Variants in TASOR observed in about 807,000 individuals in gnomAD.
TASOR encodes the protein transcription activation suppressor.
In TASOR, 53 loss-of-function variants were observed where a neutral mutation model predicts 178.6. The ratio of observed to expected loss-of-function variants is 0.30; its 90% CI spans 0.24 to 0.37. The LOEUF (loss-of-function observed/expected upper bound fraction) is 0.37, where lower values mean the gene tolerates loss of function less well. Among genes scored for constraint, TASOR ranks in the 10% least tolerant of loss-of-function variants. TASOR has a pLI of 1.00. For synonymous variants in TASOR, 713 were observed against 696.2 expected (o/e 1.02, Z -0.38); for missense variants, 1,815 against 1,971.4 (o/e 0.92, Z 1.50).
intron 1 of TASOR, among the ~76,000 whole-genome samples, chr3:56,678,576 T>A (rs866391004): frequency 6.6e-6 from 1 of 152,176 alleles, no homozygotes; most frequent in Non-Finnish European, 1.5e-5. Flanking sequence ...CAAAAGAACA[T>A]CTTCATCAAT....
intron 7 of TASOR, among the ~76,000 whole-genome samples, chr3:56,665,119 G>A (rs535708584): frequency 6.6e-5 from 10 of 152,164 alleles, no homozygotes; most frequent in Non-Finnish European, 1.0e-4. Flanking sequence ...TGACTGCACC[G>A]CTTTACTCAC....
rs373963574 is a variant in TASOR, at chr3:56,621,651, G to A, written c.*1386C>T. 3.5e-6 allele frequency: 5 copies of A among 1,430,282 alleles called. No individual in the cohort carries two copies. Among genetic ancestry groups the A allele is most frequent in the Non-Finnish European group, 4.8e-6 (5 of 1,030,968 alleles). The allele number at this position is 1,430,282 out of a possible 1,614,324, so 88.6% of individuals were successfully genotyped here. Reference sequence around the variant, plus strand: ...AAATCAAATCCTTCACATTTGATTTGTGTCTTCCAAATTATAAAATGTGCT... The same window carrying A: ...AAATCAAATCCTTCACATTTGATTTATGTCTTCCAAATTATAAAATGTGCT... On this transcript the variant is annotated 3_prime_UTR_variant, in exon 24 of 24. Coordinates refer to ENST00000683822, the MANE Select transcript of TASOR (RefSeq NM_001365635.2).
chr3:56,680,812 C>T (rs990091517), intron 1 of TASOR, among the ~76,000 whole-genome samples: 5 of 152,072 alleles, frequency 3.3e-5, no homozygotes, highest in Admixed American at 2.6e-4. Context: ...ATATTTTCCT[C>T]CCAACTTTTG....
rs1452394544 is a variant in TASOR, at chr3:56,670,331, GT to G, written c.571-187del. Among the ~76,000 whole-genome samples, 192 of 152,032 alleles carry G rather than the reference GT, an allele frequency of 1.3e-3. 2 individuals carry two copies. Among genetic ancestry groups the G allele is most frequent in the South Asian group, 6.0e-3 (29 of 4,810 alleles). ...GTAAAACTGACTTACACTTCTCAAAGTAACCATATCTAGAATCCATTTTTCT... is the reference window on the plus strand; with the variant it reads ...GTAAAACTGACTTACACTTCTCAAAGAACCATATCTAGAATCCATTTTTCT... On this transcript the variant is annotated intron_variant, in intron 3 of 23. Coordinates refer to ENST00000683822, the MANE Select transcript of TASOR (RefSeq NM_001365635.2).
At chr3:56,628,896 A>T in intron 18 of TASOR, 1 of 202,598 alleles carries the variant, frequency 4.9e-6, no homozygotes, top group Non-Finnish European at 9.8e-6. Context: ...GAATACATGG[A>T]TGGCACTAGG....
Position 56,623,322 on chromosome 3 carries a change from T to C in TASOR, c.4728A>G (p.Ile1576Met), listed in dbSNP as rs574841361. The change falls in exon 24 of 24, where the codon ATA becomes ATG. Residue 1576 changes from isoleucine (I) to methionine (M), a missense_variant. By Grantham distance (10) the Ile-to-Met change is conservative. This residue lies in a region of TASOR where 278 missense variants were observed against 257.1 expected (regional missense o/e 1.08). Transcript: ENST00000683822. ...TGCTGTTCTCTCCTTCAGAGCATAC[T>C]ATATCAATAGAAGTTCTCTCTTCAG... Reference protein sequence around the residue: ...LDSEERTSIDIVCSEGENSNS... With the variant: ...LDSEERTSIDMVCSEGENSNS... The C allele has an allele frequency of 1.2e-5, 19 of 1,613,616 alleles. No homozygotes were observed. Among genetic ancestry groups the C allele is most frequent in the East Asian group, 2.2e-5 (1 of 44,848 alleles).
intron 17 of TASOR, among the ~76,000 whole-genome samples, chr3:56,634,375 C>T (rs534781490): frequency 6.6e-6 from 1 of 152,174 alleles, no homozygotes; most frequent in South Asian, 2.1e-4. Flanking sequence ...GGTAATGGCC[C>T]CTTAGTAAGA....
intron 2 of TASOR, among the ~76,000 whole-genome samples, chr3:56,672,030 TAATA>T: frequency 6.6e-6 from 1 of 152,182 alleles, no homozygotes; most frequent in Non-Finnish European, 1.5e-5. Flanking sequence ...ACAGGTGGTT[TAATA>T]AATCTGCTGA....
intron 17 of TASOR, among the ~76,000 whole-genome samples, chr3:56,635,300 G>A (rs967319362): frequency 1.3e-5 from 2 of 152,162 alleles, no homozygotes; most frequent in Admixed American, 1.3e-4. Flanking sequence ...AATATCCAAC[G>A]TGCCAGGATA....
intron 1 of TASOR, among the ~76,000 whole-genome samples, chr3:56,678,175 T>G (rs931073185): frequency 1.5e-5 from 2 of 130,508 alleles, no homozygotes; most frequent in Non-Finnish European, 3.1e-5. Flanking sequence ...AACACACTTA[T>G]GATTTTTTTT....
At chr3:56,629,986 G>A (rs927158089) in intron 18 of TASOR, among the ~76,000 whole-genome samples, 2 of 140,500 alleles carry the variant, frequency 1.4e-5, no homozygotes, top group Non-Finnish European at 3.0e-5. Flanking sequence ...TTTTTTTTGA[G>A]ATGGAGTCTC....
intron 18 of TASOR, among the ~76,000 whole-genome samples, chr3:56,629,498 G>C (rs1249810880): frequency 6.6e-6 from 1 of 152,098 alleles, no homozygotes; most frequent in Non-Finnish European, 1.5e-5. Context: ...TTTATATAGA[G>C]CTTCATTATG....
At position 56,643,990 on chromosome 3, in the gene TASOR, T is replaced by G. The variant is rs946456611; in HGVS notation, c.2216-2238A>C. On this transcript the variant is annotated intron_variant, in intron 14 of 23. Coordinates refer to ENST00000683822, the MANE Select transcript of TASOR (RefSeq NM_001365635.2). Reference sequence around the variant, plus strand: ...ATTTTAATTATTGATGAAGCCTGATTTTTACCCACAACTATTTTTTCACAT... The same window carrying G: ...ATTTTAATTATTGATGAAGCCTGATGTTTACCCACAACTATTTTTTCACAT... Among the ~76,000 whole-genome samples, 4 of 152,196 alleles carry G rather than the reference T, an allele frequency of 2.6e-5. No individual in the cohort carries two copies. The South Asian group carries it at 8.3e-4, about 32-fold the overall frequency.
intron 11 of TASOR, among the ~76,000 whole-genome samples, chr3:56,655,541 A>C (rs933152790): frequency 4.6e-5 from 7 of 152,036 alleles, no homozygotes; most frequent in Non-Finnish European, 8.8e-5. Context: ...TGGAGGCATG[A>C]GGGTTGCTTA....
In TASOR at chr3:56,639,713, T is replaced by A. The variant is rs560141995; in HGVS notation, c.2764+273A>T. ...ACTCAGTTTCTGCCAACAGTCTTCATTCAGCAGTCTGCATGCTAAACTCCA... is the reference window on the plus strand; with the variant it reads ...ACTCAGTTTCTGCCAACAGTCTTCAATCAGCAGTCTGCATGCTAAACTCCA... On this transcript the variant is annotated intron_variant, in intron 16 of 23. Coordinates refer to ENST00000683822, the MANE Select transcript of TASOR (RefSeq NM_001365635.2). 3.9e-5 allele frequency among the ~76,000 whole-genome samples: 6 copies of A among 152,324 alleles called. No individual in the cohort carries two copies. The South Asian group carries it at 1.2e-3, about 32-fold the overall frequency.
chr3:56,632,265 G>A (rs557385544), intron 18 of TASOR, among the ~76,000 whole-genome samples: 26 of 152,142 alleles, frequency 1.7e-4, no homozygotes, highest in Admixed American at 7.2e-4. Flanking sequence ...GAGGCCAGGA[G>A]TTCCAGACCA....
At chr3:56,650,099 CA>C (rs2077319248) in intron 11 of TASOR, among the ~76,000 whole-genome samples, 1 of 152,164 alleles carries the variant, frequency 6.6e-6, no homozygotes, top group Non-Finnish European at 1.5e-5. Flanking sequence ...GAATTTATTT[CA>C]GGGGCTACTG....
chr3:56,665,350 TTTG>T (rs758949224), intron 7 of TASOR, among the ~76,000 whole-genome samples: 9 of 152,016 alleles, frequency 5.9e-5, no homozygotes, highest in African/African-American at 9.7e-5. Flanking sequence ...ATCTCACTTT[TTTG>T]TTGTTGTTGT....
At chr3:56,645,287 TA>T (rs1244845656) in intron 14 of TASOR, among the ~76,000 whole-genome samples, 4 of 151,852 alleles carry the variant, frequency 2.6e-5, no homozygotes, top group African/African-American at 9.7e-5. Context: ...AATAAATAAA[TA>T]AATAAAAAGA....
Sources: gnomAD v4.1 joint callset for allele counts (sites outside exome capture counted in the v4.1 genomes callset) on GRCh38, gnomAD v4.1.1 for gene constraint, gnomAD v4.1.1 regional missense constraint, MANE v1.5 for transcripts, NCBI Gene and HGNC (gene_info 2026-07-23, HGNC 2026-07-21) for gene names.